The following AGMO variants were observed in gnomAD, a reference collection of about 807,000 sequenced individuals.
The protein encoded by AGMO is alkylglycerol monooxygenase.
Under a neutral mutation model 60.2 loss-of-function variants are expected in AGMO, and 75 were observed. The observed-to-expected ratio is 1.25, with a 90% CI of 1.03 to 1.51. The LOEUF (loss-of-function observed/expected upper bound fraction) is 1.51. Ranked by LOEUF, AGMO falls within the 40% of genes most tolerant of loss-of-function variation. The pLI is 0.00. For missense variants in AGMO, 763 were observed against 525.5 expected (o/e 1.45, Z -4.42); for synonymous variants, 261 against 177.1 (o/e 1.47, Z -3.76).
chr7:15,371,380 G>A (rs530019630), intron 10 of AGMO, among the ~76,000 whole-genome samples: 5 of 150,560 alleles, frequency 3.3e-5, no homozygotes, highest in South Asian at 4.2e-4. Context: ...GCTACCGTGC[G>A]CACAGCTAAT....
At chr7:15,153,220 T>C in the AGMO span, among the ~76,000 whole-genome samples, 1 of 152,012 alleles carries the variant, frequency 6.6e-6, no homozygotes, top group African/African-American at 2.4e-5. Context: ...TTGTTTAAAC[T>C]CTTTGTAGAT....
the AGMO span, among the ~76,000 whole-genome samples, chr7:15,129,240 G>A: frequency 7.0e-6 from 1 of 142,194 alleles, no homozygotes; most frequent in Non-Finnish European, 1.6e-5. Flanking sequence ...TCCAGGGCTG[G>A]TTGCTACAGG....
chr7:15,537,051 T>G lies in AGMO; in HGVS notation c.409+7721A>C, dbSNP rs189614896. ...AAAATCTGTTTTTTCCAGATCATAT[T>G]TAACTGCATATTGTTCCAAAACAAT... On this transcript the variant is annotated intron_variant, in intron 3 of 12. Transcript: ENST00000342526. Among the ~76,000 whole-genome samples the G allele has an allele frequency of 1.6e-3, 243 of 152,242 alleles. 3 individuals carry two copies. The highest frequency in any genetic ancestry group is 0.012 in the South Asian group (59 of 4,832).
intron 3 of AGMO, among the ~76,000 whole-genome samples, chr7:15,474,483 T>C (rs1278705415): frequency 6.6e-6 from 1 of 152,134 alleles, no homozygotes; most frequent in Non-Finnish European, 1.5e-5. Flanking sequence ...TCGGAAAAAC[T>C]GGATAGCGAT....
chr7:15,392,802 ACAAACAAAC>A (rs772211620), intron 6 of AGMO, among the ~76,000 whole-genome samples: 7 of 128,708 alleles, frequency 5.4e-5, no homozygotes, highest in African/African-American at 1.3e-4. Flanking sequence ...CTGTCTCAAA[ACAAACAAAC>A]AAACAAACAA....
At chr7:15,185,910 TATAG>T in the AGMO span, among the ~76,000 whole-genome samples, 6 of 152,232 alleles carry the variant, frequency 3.9e-5, no homozygotes, top group African/African-American at 1.2e-4. Flanking sequence ...GTCTTCTAAG[TATAG>T]CTCTGCCTCA....
At chr7:15,145,892 T>A in the AGMO span, among the ~76,000 whole-genome samples, 2 of 152,144 alleles carry the variant, frequency 1.3e-5, no homozygotes, top group African/African-American at 2.4e-5. Context: ...TGGTATAGTA[T>A]GTTTTAAAGT....
chr7:15,413,455 T>G (rs1780672163), intron 5 of AGMO, among the ~76,000 whole-genome samples: 1 of 152,156 alleles, frequency 6.6e-6, no homozygotes, highest in Non-Finnish European at 1.5e-5. Context: ...ACTCCAAATT[T>G]GATTTTCAAA....
chr7:15,259,899 C>CAAAAAAAAAA (rs71549927), intron 12 of AGMO, among the ~76,000 whole-genome samples: 155 of 9,416 alleles, frequency 0.016, 26 homozygotes, highest in African/African-American at 0.02. Context: ...ACAAGAACTG[C>CAAAAAAAAAA]AAAAAAAAAA....
intron 5 of AGMO, chr7:15,396,344 A>G (rs1029322464): frequency 1.3e-5 from 2 of 152,104 alleles, no homozygotes; most frequent in Non-Finnish European, 2.9e-5. Flanking sequence ...TGGCTTCAGG[A>G]GTATAGCTGC....
chr7:15,321,812 A>T (rs1781116520), intron 12 of AGMO, among the ~76,000 whole-genome samples: 1 of 152,114 alleles, frequency 6.6e-6, no homozygotes, highest in Admixed American at 6.6e-5. Context: ...ATTGATTATT[A>T]TTCCCCATAG....
Position 15,548,692 on chromosome 7 carries a change from G to A in AGMO, c.258-3769C>T, listed in dbSNP as rs540887285. 4.5e-3 allele frequency among the ~76,000 whole-genome samples: 686 copies of A among 152,274 alleles called. 5 individuals carry two copies. The highest frequency in any genetic ancestry group is 0.016 in the African/African-American group (645 of 41,536). ...GAAAAGACCAAATCTACGTCTGATT[G>A]GTGTGCCTGAAGGTGATGGGGAGAA... On this transcript the variant is annotated intron_variant, in intron 2 of 12. Transcript: ENST00000342526.
intron 12 of AGMO, among the ~76,000 whole-genome samples, chr7:15,345,692 T>C (rs1418425322): frequency 1.3e-5 from 2 of 152,202 alleles, no homozygotes; most frequent in East Asian, 1.9e-4. Flanking sequence ...AAGTTCTTTA[T>C]ACACAGAATT....
chr7:15,208,724 C>T (rs1219913801), intron 12 of AGMO, among the ~76,000 whole-genome samples: 1 of 152,130 alleles, frequency 6.6e-6, no homozygotes, highest in Non-Finnish European at 1.5e-5. Context: ...TCTTATTTTA[C>T]TCATATTTCT....
intron 12 of AGMO, among the ~76,000 whole-genome samples, chr7:15,305,544 C>A (rs984989519): frequency 6.6e-6 from 1 of 151,662 alleles, no homozygotes; most frequent in Non-Finnish European, 1.5e-5. Context: ...TCCTGTGAGT[C>A]GAATGGTTAT....
At chr7:15,366,049 C>A in intron 11 of AGMO, 91 bp downstream of exon 11, 1 of 866,914 alleles carries the variant, frequency 1.2e-6, no homozygotes, top group Non-Finnish European at 1.8e-6. Flanking sequence ...TAAAACTACA[C>A]TAGTTACATA....
At chr7:15,353,248 T>C (rs1255767145) in intron 12 of AGMO, among the ~76,000 whole-genome samples, 2 of 152,172 alleles carry the variant, frequency 1.3e-5, no homozygotes, top group African/African-American at 4.8e-5. Context: ...CATGTAATAA[T>C]AGGACAGCCA....
At chr7:15,414,688 A>G (rs1780707820) in intron 5 of AGMO, among the ~76,000 whole-genome samples, 1 of 152,198 alleles carries the variant, frequency 6.6e-6, no homozygotes. Context: ...CCACAAAATT[A>G]TGCATGACAA....
chr7:15,309,229 G>A (rs1302268218), intron 12 of AGMO, among the ~76,000 whole-genome samples: 3 of 152,102 alleles, frequency 2.0e-5, no homozygotes, highest in Non-Finnish European at 2.9e-5. Context: ...AAGAACTATC[G>A]TTATCCTTAC....
Sources: gnomAD v4.1 joint callset for allele counts (sites outside exome capture counted in the v4.1 genomes callset) on GRCh38, gnomAD v4.1.1 for gene constraint, MANE v1.5 for transcripts, NCBI Gene and HGNC (gene_info 2026-07-23, HGNC 2026-07-21) for gene names.